Variants in CCDC171 observed in about 807,000 individuals in gnomAD.
CCDC171 encodes the protein coiled-coil domain containing 171.
A neutral mutation model predicts 168.2 loss-of-function variants in CCDC171; 177 were observed. The ratio of observed to expected loss-of-function variants is 1.05; its 90% CI spans 0.93 to 1.19. The LOEUF is 1.19. CCDC171 is among the 50% of genes most tolerant of loss of function. The pLI, the probability that CCDC171 is intolerant of heterozygous loss-of-function variation, is 0.00. For missense variants in CCDC171, 1,991 were observed against 1,539.0 expected (o/e 1.29, Z -4.91); for synonymous variants, 687 against 540.8 (o/e 1.27, Z -3.75).
At chr9:15,923,933 G>T (rs1425248433) in intron 25 of CCDC171, among the ~76,000 whole-genome samples, 1 of 151,292 alleles carries the variant, frequency 6.6e-6, no homozygotes, top group Non-Finnish European at 1.5e-5. Context: ...TAACATTCCA[G>T]TGAGAAGGAT....
At chr9:16,058,185 C>T (rs1833873329) in intron 1 of CCDC171, among the ~76,000 whole-genome samples, 1 of 152,132 alleles carries the variant, frequency 6.6e-6, no homozygotes, top group Admixed American at 6.5e-5. Flanking sequence ...CTCTCCCTCC[C>T]CTTGCTCAGA....
intron 9 of CCDC171, among the ~76,000 whole-genome samples, chr9:15,671,244 T>C (rs1256946814): frequency 6.6e-6 from 1 of 152,182 alleles, no homozygotes; most frequent in African/African-American, 2.4e-5. Context: ...CTCATGTTCC[T>C]ACACCTCAGA....
At position 15,628,807 on chromosome 9, in the gene CCDC171, C is replaced by T. The variant is rs184504391; in HGVS notation, c.822+5394C>T. 9.7e-3 allele frequency among the ~76,000 whole-genome samples: 1,470 copies of T among 152,286 alleles called. 27 individuals carry two copies. The highest frequency in any genetic ancestry group is 0.034 in the African/African-American group (1,405 of 41,550). On this transcript the variant is annotated intron_variant, in intron 7 of 25. Coordinates refer to ENST00000380701, the MANE Select transcript of CCDC171 (RefSeq NM_173550.4). The stretch of plus-strand genomic sequence containing the variant: ...AGTAGAGGCAGACTGACACCTCACA[C>T]GGCCGGGTACTCCTCTGAGACAAAA...
At chr9:15,991,905 G>C (rs138934784) in intron 3 of CCDC171, among the ~76,000 whole-genome samples, 1 of 152,010 alleles carries the variant, frequency 6.6e-6, no homozygotes, top group Non-Finnish European at 1.5e-5. Context: ...AAAATAGACC[G>C]ATAACAGGCT....
At position 16,007,373 on chromosome 9, in the gene CCDC171, T is replaced by G. The variant is rs576803012; in HGVS notation, n.369-13216T>G. 2.0e-5 allele frequency among the ~76,000 whole-genome samples: 3 copies of G among 152,304 alleles called. No individual in the cohort carries two copies. The East Asian group carries it at 5.8e-4, about 29-fold the overall frequency. ...GTAGGTTGCAAAAGTTTTCTCCCATTCTGTAGGTTGCCTGTTCACTCTGAT... is the reference window on the plus strand; with the variant it reads ...GTAGGTTGCAAAAGTTTTCTCCCATGCTGTAGGTTGCCTGTTCACTCTGAT... On this transcript the variant is annotated intron_variant and non_coding_transcript_variant, in intron 3 of 9. Transcript: ENST00000486641.
intron 9 of CCDC171, among the ~76,000 whole-genome samples, chr9:15,668,181 G>A (rs1211863532): frequency 6.6e-6 from 1 of 152,132 alleles, no homozygotes; most frequent in Non-Finnish European, 1.5e-5. Context: ...GGGAACTAGT[G>A]AGTTCCCTGC....
chr9:16,066,085 T>A (rs996553717), downstream of CCDC171, among the ~76,000 whole-genome samples: 1 of 152,170 alleles, frequency 6.6e-6, no homozygotes, highest in Non-Finnish European at 1.5e-5. Flanking sequence ...TCCATGGACA[T>A]CAGGAGCTTG....
At chr9:15,894,184 C>G (rs1461428182) in intron 24 of CCDC171, among the ~76,000 whole-genome samples, 1 of 152,028 alleles carries the variant, frequency 6.6e-6, no homozygotes, top group Non-Finnish European at 1.5e-5. Context: ...GAACAGAAAA[C>G]CAAATACTGC....
At chr9:15,980,458 A>C (rs1465853450) in intron 3 of CCDC171, among the ~76,000 whole-genome samples, 1 of 152,096 alleles carries the variant, frequency 6.6e-6, no homozygotes, top group Admixed American at 6.6e-5. Context: ...CACCCTCAGC[A>C]TCCAAGTTCT....
intron 24 of CCDC171, among the ~76,000 whole-genome samples, chr9:15,897,389 T>G (rs1821051630): frequency 6.6e-6 from 1 of 152,088 alleles, no homozygotes; most frequent in Non-Finnish European, 1.5e-5. Context: ...AAATTATGTA[T>G]GTTTTTAGCA....
At chr9:15,633,933 G>C (rs200037486) in intron 7 of CCDC171, among the ~76,000 whole-genome samples, 1 of 150,488 alleles carries the variant, frequency 6.6e-6, no homozygotes, top group Non-Finnish European at 1.5e-5. Flanking sequence ...AACAACAAAC[G>C]AAACACCGCA....
At chr9:15,683,373 T>G (rs1482411205) in intron 10 of CCDC171, among the ~76,000 whole-genome samples, 6 of 152,040 alleles carry the variant, frequency 3.9e-5, no homozygotes. Context: ...TTACTTCCAA[T>G]GAACTATTAG....
intron 9 of CCDC171, among the ~76,000 whole-genome samples, chr9:15,677,916 A>ATG (rs1407148997): frequency 1.5e-4 from 5 of 32,328 alleles, no homozygotes; most frequent in Admixed American, 9.3e-4. Context: ...ATATATATAT[A>ATG]TATATATATA....
chr9:15,815,764 C>T (rs1391794670), intron 21 of CCDC171, among the ~76,000 whole-genome samples: 2 of 116,518 alleles, frequency 1.7e-5, no homozygotes, highest in Non-Finnish European at 3.9e-5. Context: ...TATGATATAA[C>T]CCATTTTCAT....
chr9:15,645,598 A>T lies in CCDC171; in HGVS notation c.823-11529A>T, dbSNP rs572836782. The stretch of plus-strand genomic sequence containing the variant: ...CCATGGCACGAGAACTACGTGATGC[A>T]TGCACAAGGTTCAGTAGCCGATTTG... On this transcript the variant is annotated intron_variant, in intron 7 of 25. Coordinates refer to ENST00000380701, the MANE Select transcript of CCDC171 (RefSeq NM_173550.4). 4.6e-5 allele frequency among the ~76,000 whole-genome samples: 7 copies of T among 152,252 alleles called. No individual in the cohort carries two copies. The South Asian group carries it at 1.4e-3, about 32-fold the overall frequency.
In CCDC171 at chr9:15,821,664, C is replaced by T. The variant is rs2059776607; in HGVS notation, c.3268-25038C>T. Among the ~76,000 whole-genome samples the T allele has an allele frequency of 1.7e-5, 2 of 116,748 alleles. 1 individual carries two copies. 76.6% of individuals were successfully genotyped at this position (116,748 alleles called of 152,430 possible). A position where few individuals can be genotyped will look rare whatever the true frequency, so the allele number is the denominator to read the frequency against. The stretch of plus-strand genomic sequence containing the variant: ...CCTCTTCAAGGAGAACTACAAACCA[C>T]TGCTCAAGGAAATAAAAGAGGATTC... On this transcript the variant is annotated intron_variant, in intron 21 of 25. Coordinates refer to ENST00000380701, the MANE Select transcript of CCDC171 (RefSeq NM_173550.4).
intron 24 of CCDC171, among the ~76,000 whole-genome samples, chr9:15,907,633 G>T (rs1224263088): frequency 6.6e-6 from 1 of 152,156 alleles, no homozygotes; most frequent in African/African-American, 2.4e-5. Context: ...AAAAGCAATG[G>T]CAACAAAAGC....
intron 25 of CCDC171, among the ~76,000 whole-genome samples, chr9:15,923,414 C>T (rs1220930524): frequency 6.6e-6 from 1 of 151,218 alleles, no homozygotes; most frequent in South Asian, 2.1e-4. Context: ...GAAAGACAAA[C>T]ACTGCATCTC....
At chr9:15,865,143 A>G (rs1315142447) in intron 23 of CCDC171, among the ~76,000 whole-genome samples, 1 of 152,074 alleles carries the variant, frequency 6.6e-6, no homozygotes, top group African/African-American at 2.4e-5. Flanking sequence ...ATGACACTGG[A>G]ACAATATTTA....
Sources: allele counts gnomAD v4.1 joint callset (sites outside exome capture counted in the v4.1 genomes callset), GRCh38; gene constraint gnomAD v4.1.1; transcripts MANE v1.5; gene names NCBI Gene and HGNC (gene_info 2026-07-23, HGNC 2026-07-21).